Variants in PRKG1 observed in about 807,000 individuals in gnomAD.
The protein encoded by PRKG1 is protein kinase cGMP-dependent 1.
Under a neutral mutation model 88.1 loss-of-function variants are expected in PRKG1, and 35 were observed. The observed-to-expected ratio is 0.40, with a 90% CI of 0.30 to 0.53. PRKG1 has a LOEUF of 0.53. PRKG1 is among the 20% of genes least tolerant of loss of function. The pLI, the probability that PRKG1 is intolerant of heterozygous loss-of-function variation, is 0.59. For synonymous variants in PRKG1, 303 were observed against 292.5 expected (o/e 1.04, Z -0.37); for missense variants, 540 against 839.8 (o/e 0.64, Z 4.41).
intron 3 of PRKG1, among the ~76,000 whole-genome samples, chr10:51,589,182 C>G (rs555425739): frequency 2.0e-5 from 3 of 152,234 alleles, no homozygotes; most frequent in Admixed American, 1.3e-4. Context: ...GTTGTGTTAA[C>G]TAGCTGCTAT....
intron 3 of PRKG1, among the ~76,000 whole-genome samples, chr10:51,676,119 A>G (rs1840703803): frequency 6.6e-6 from 1 of 152,142 alleles, no homozygotes; most frequent in Non-Finnish European, 1.5e-5. Context: ...AACAAAAAAA[A>G]AAAGAAAAGC....
intron 3 of PRKG1, among the ~76,000 whole-genome samples, chr10:51,675,393 C>A (rs1447028611): frequency 1.3e-5 from 2 of 152,074 alleles, no homozygotes; most frequent in African/African-American, 2.4e-5. Context: ...ACTGATTCTG[C>A]AAATAACAAA....
intron 7 of PRKG1, among the ~76,000 whole-genome samples, chr10:52,106,835 A>G (rs17561995): frequency 0.12 from 17,533 of 151,850 alleles, 1,261 homozygotes; most frequent in Non-Finnish European, 0.16. Flanking sequence ...GTAATGACAC[A>G]TAATGAGAGT....
chr10:51,595,371 G>A (rs1240588635), intron 3 of PRKG1, among the ~76,000 whole-genome samples: 1 of 152,146 alleles, frequency 6.6e-6, no homozygotes, highest in Non-Finnish European at 1.5e-5. Context: ...GCTCATGCCT[G>A]TAATCCCAGA....
chr10:51,458,921 G>T (rs1432846612), intron 2 of PRKG1, among the ~76,000 whole-genome samples: 1 of 152,006 alleles, frequency 6.6e-6, no homozygotes, highest in African/African-American at 2.4e-5. Context: ...GATATACATA[G>T]GTGTCATGGA....
intron 2 of PRKG1, among the ~76,000 whole-genome samples, chr10:51,214,024 G>A (rs1838305476): frequency 6.6e-6 from 1 of 152,120 alleles, no homozygotes; most frequent in East Asian, 1.9e-4. Flanking sequence ...ATTTTCCAAA[G>A]TGTAATATTA....
At chr10:51,394,822 A>G (rs530962792) in intron 2 of PRKG1, among the ~76,000 whole-genome samples, 35 of 152,348 alleles carry the variant, frequency 2.3e-4, no homozygotes, top group African/African-American at 8.2e-4. Context: ...CAAGGGCTCA[A>G]ACCCAGAAGG....
intron 5 of PRKG1, among the ~76,000 whole-genome samples, chr10:51,940,904 T>A (rs563250354): frequency 6.6e-6 from 1 of 152,102 alleles, no homozygotes; most frequent in Admixed American, 6.5e-5. Flanking sequence ...ATGATGAAAG[T>A]GAGAGATAGA....
rs562485060 is a variant in PRKG1 at position 51,567,961 on chromosome 10, G to C, written c.592+100125G>C. 2.6e-5 allele frequency among the ~76,000 whole-genome samples: 4 copies of C among 152,092 alleles called. No individual in the cohort carries two copies. In the South Asian group the frequency reaches 8.3e-4, roughly 32 times the overall value. On this transcript the variant is annotated intron_variant, in intron 3 of 17. Transcript: ENST00000373980. ...TAAGTTTGATGGAGAAAGGTATTCTGGGCTGCTTTCTTGCCTTTCAGCTTG... is the reference window on the plus strand; with the variant it reads ...TAAGTTTGATGGAGAAAGGTATTCTCGGCTGCTTTCTTGCCTTTCAGCTTG...
intron 4 of PRKG1, among the ~76,000 whole-genome samples, chr10:51,809,457 A>G (rs760478866): frequency 6.6e-6 from 1 of 152,182 alleles, no homozygotes; most frequent in Non-Finnish European, 1.5e-5. Flanking sequence ...TGCCAGAGTT[A>G]ATTTGTGTTA....
chr10:51,482,446 T>C (rs755720664), intron 3 of PRKG1, among the ~76,000 whole-genome samples: 5 of 152,148 alleles, frequency 3.3e-5, no homozygotes, highest in Non-Finnish European at 7.4e-5. Flanking sequence ...CCTAAGTGAA[T>C]AGTGTTTTGT....
At chr10:51,581,513 G>A (rs1838034629) in intron 3 of PRKG1, among the ~76,000 whole-genome samples, 1 of 152,004 alleles carries the variant, frequency 6.6e-6, no homozygotes, top group African/African-American at 2.4e-5. Flanking sequence ...TCTCCACAAG[G>A]GTCGCATTCC....
chr10:51,113,017 C>G (rs1845014683), intron 1 of PRKG1, among the ~76,000 whole-genome samples: 1 of 152,180 alleles, frequency 6.6e-6, no homozygotes, highest in Non-Finnish European at 1.5e-5. Flanking sequence ...TTTGATTCAA[C>G]AGCTACCAAA....
At chr10:52,134,891 G>A (rs1295547312) in intron 8 of PRKG1, among the ~76,000 whole-genome samples, 1 of 152,210 alleles carries the variant, frequency 6.6e-6, no homozygotes, top group East Asian at 1.9e-4. Flanking sequence ...CAGAATGGTA[G>A]CAATATCCAT....
chr10:51,798,271 C>A (rs7922782), intron 3 of PRKG1, among the ~76,000 whole-genome samples: 2,377 of 152,082 alleles, frequency 0.016, 79 homozygotes, highest in African/African-American at 0.054. Context: ...ACCAGCAATG[C>A]ACAAGGGTTC....
intron 2 of PRKG1, among the ~76,000 whole-genome samples, chr10:51,295,734 G>A (rs1421162878): frequency 6.6e-6 from 1 of 151,998 alleles, no homozygotes; most frequent in South Asian, 2.1e-4. Context: ...TAGTGAGAAT[G>A]GACATCCATA....
intron 1 of PRKG1, among the ~76,000 whole-genome samples, chr10:51,002,034 G>C (rs933221490): frequency 2.2e-4 from 7 of 31,578 alleles, no homozygotes; most frequent in African/African-American, 1.6e-3. Context: ...TTGTCTTAAG[G>C]AATAGAGAAA....
intron 3 of PRKG1, chr10:51,698,194 G>T: frequency 6.2e-7 from 1 of 1,614,050 alleles, no homozygotes; most frequent in Non-Finnish European, 8.5e-7. Context: ...TTGCATCCAT[G>T]CCCCTTGCTT....
chr10:52,287,517 T>C (rs1267183569), intron 14 of PRKG1, among the ~76,000 whole-genome samples: 1 of 151,998 alleles, frequency 6.6e-6, no homozygotes, highest in Non-Finnish European at 1.5e-5. Context: ...AATTCAGATT[T>C]CTTCCCCAAA....
Sources: gnomAD v4.1 joint callset for allele counts (sites outside exome capture counted in the v4.1 genomes callset) on GRCh38, gnomAD v4.1.1 for gene constraint, MANE v1.5 for transcripts, NCBI Gene and HGNC (gene_info 2026-07-23, HGNC 2026-07-21) for gene names.